The following MYD88 variants were observed in gnomAD, a reference collection of about 807,000 sequenced individuals.
MYD88 encodes the protein myeloid differentiation primary response protein MyD88.
Under a neutral mutation model 31.1 loss-of-function variants are expected in MYD88, and 15 were observed. The observed-to-expected ratio is 0.48, with a 90% CI of 0.32 to 0.74. MYD88 has a LOEUF of 0.74. Ranked by LOEUF, MYD88 falls within the 30% of genes least tolerant of loss-of-function variation. The probability of loss-of-function intolerance (pLI) is 0.03; values close to 1 mark genes in which losing one functional copy is unlikely to be tolerated. For synonymous variants in MYD88, 157 were observed against 158.8 expected (o/e 0.99, Z 0.08); for missense variants, 308 against 387.4 (o/e 0.79, Z 1.72).
In MYD88 at chr3:38,139,926, G is replaced by A. The variant is rs2125777520; in HGVS notation, c.391G>A (p.Val131Met). The A allele has an allele frequency of 1.2e-6, 2 of 1,613,682 alleles. No homozygotes were observed. Among genetic ancestry groups the A allele is most frequent in the Non-Finnish European group, 1.7e-6 (2 of 1,180,010 alleles). Residue 131 changes from valine to methionine, a missense_variant, in exon 2 of 5, where the codon GTG becomes ATG. Physicochemically the swap from Val to Met is conservative, Grantham distance 21 (BLOSUM62 1). Transcript: ENST00000650905. The surrounding 1 kb of genome is among the most constrained non-coding windows in gnomAD (Gnocchi z 4.7). ...GGAGGAGGCTGAGAAGCCTTTACAG[G>A]TGGCCGCTGTAGACAGCAGTGTCCC... ...QQEEAEKPLQVAAVDSSVPRT... is the reference protein window; with the variant it reads ...QQEEAEKPLQMAAVDSSVPRT...
Position 38,140,381 on chromosome 3 carries a change from C to T in MYD88, c.464-7C>T. 2 of 1,614,088 alleles carry T rather than the reference C, an allele frequency of 1.2e-6. No homozygotes were observed. Among genetic ancestry groups the T allele is most frequent in the Non-Finnish European group, 8.5e-7 (1 of 1,179,992 alleles). Reference sequence around the variant, plus strand: ...CTCTGACCACCACCCTTGTGCTCTGCACCCAGGGCATATGCCTGAGCGTTT... The same window carrying T: ...CTCTGACCACCACCCTTGTGCTCTGTACCCAGGGCATATGCCTGAGCGTTT... On this transcript the variant is annotated splice_region_variant and splice_polypyrimidine_tract_variant and intron_variant, in intron 2 of 4. Transcript: ENST00000650905.
In MYD88 at chr3:38,142,001, A is replaced by C. The variant is rs147457772; in HGVS notation, c.*715A>C. Reference sequence around the variant, plus strand: ...AAGTCCCCAAGAGACTCGCCTGAGCAGCTTGGGCTGCTTTTCATTTCCACC... The same window carrying C: ...AAGTCCCCAAGAGACTCGCCTGAGCCGCTTGGGCTGCTTTTCATTTCCACC... On this transcript the variant is annotated 3_prime_UTR_variant, in exon 5 of 5. Coordinates refer to ENST00000650905, the MANE Select transcript of MYD88 (RefSeq NM_002468.5). The C allele has an allele frequency of 1.3e-5, 3 of 236,690 alleles. No homozygotes were observed. 14.7% of individuals were successfully genotyped at this position (236,690 alleles called of 1,614,324 possible).
chr3:38,139,194 T>G lies in MYD88; in HGVS notation c.328+166T>G. On this transcript the variant is annotated intron_variant, in intron 1 of 4. Transcript: ENST00000650905. This position sits in a 1 kb window ranked among gnomAD's most constrained non-coding sequence, Gnocchi z 4.7. ...GGTCCCGTTCCTTCTTAATAACCGGTCGCGGTTATTAAGAAGGACTGGAGA... is the reference window on the plus strand; with the variant it reads ...GGTCCCGTTCCTTCTTAATAACCGGGCGCGGTTATTAAGAAGGACTGGAGA... 14 of 933,486 alleles carry G rather than the reference T, an allele frequency of 1.5e-5. No homozygotes were observed. The highest frequency in any genetic ancestry group is 2.0e-5 in the Non-Finnish European group (13 of 643,736). 57.8% of individuals were successfully genotyped at this position (933,486 alleles called of 1,614,324 possible). A position where few individuals can be genotyped will look rare whatever the true frequency, so the allele number is the denominator to read the frequency against.
Position 38,142,799 on chromosome 3 carries a change from C to G in MYD88, c.*1513C>G, listed in dbSNP as rs193039432. The G allele has an allele frequency of 4.7e-5, 11 of 233,262 alleles. No homozygotes were observed. The highest frequency in any genetic ancestry group is 3.4e-4 in the Admixed American group (6 of 17,784). The allele number at this position is 233,262 out of a possible 1,614,324, so 14.4% of individuals were successfully genotyped here. A position where few individuals can be genotyped will look rare whatever the true frequency, so the allele number is the denominator to read the frequency against. ...AGGATCTTGGGAGGGAATGGATGCC[C>G]CTCTCTGCATGATCTTGTTGAGGCA... On this transcript the variant is annotated 3_prime_UTR_variant, in exon 5 of 5. Transcript: ENST00000650905.
In MYD88 at chr3:38,140,802, C is replaced by T. The variant is rs1215489953; in HGVS notation, c.690C>T (p.Ser230=). The change falls in exon 4 of 5, where the codon AGC becomes AGT. Residue 230 remains serine, a synonymous_variant. Transcript: ENST00000650905. The stretch of plus-strand genomic sequence containing the variant: ...TTGTCTCTGATGATTACCTGCAGAG[C>T]AAGGAATGTGACTTCCAGACCAAAT... ...VVVVSDDYLQ[S]KECDFQTKFA... is the part of the protein sequence containing the mutation. 6.2e-7 allele frequency: 1 copy of T among 1,614,192 alleles called. No individual in the cohort carries two copies. Among genetic ancestry groups the T allele is most frequent in the Non-Finnish European group, 8.5e-7 (1 of 1,180,044 alleles).
chr3:38,140,177 T>C, intron 2 of MYD88, 179 bp downstream of exon 2: 1 of 960,002 alleles, frequency 1.0e-6, no homozygotes, highest in Non-Finnish European at 1.6e-6. Flanking sequence ...TGCTGTGAGA[T>C]GCTCATGAAA....
chr3:38,141,680 G>A lies in MYD88; in HGVS notation c.*394G>A, dbSNP rs950986330. 4 of 420,482 alleles carry A rather than the reference G, an allele frequency of 9.5e-6. No individual in the cohort carries two copies. Among genetic ancestry groups the A allele is most frequent in the Admixed American group, 7.3e-5 (2 of 27,212 alleles). The allele number at this position is 420,482 out of a possible 1,614,324, so 26.0% of individuals were successfully genotyped here. A position where few individuals can be genotyped will look rare whatever the true frequency, so the allele number is the denominator to read the frequency against. On this transcript the variant is annotated 3_prime_UTR_variant, in exon 5 of 5. Transcript: ENST00000650905. ...GTAGGAAATGGTGAAGCATAGCTCT[G>A]GGTCTCCTGGGGGAGACCAGGCTTG...
Position 38,140,459 on chromosome 3 carries a change from A to G in MYD88, c.535A>G (p.Ile179Val), listed in dbSNP as rs751552782. Residue 179 changes from isoleucine (I) to valine (V), a missense_variant, in exon 3 of 5, where the codon ATC (isoleucine) becomes GTC (valine). Coordinates refer to ENST00000650905, the MANE Select transcript of MYD88 (RefSeq NM_002468.5). ...PSDIQFVQEM[I>V]RQLEQTNYRL... ...CGACATCCAGTTTGTGCAGGAGATG[A>G]TCCGGCAACTGGAACAGACAAACTA... is the stretch of plus-strand genomic sequence containing the variant. 18 of 1,614,104 alleles carry G rather than the reference A, an allele frequency of 1.1e-5. 1 individual carries two copies. The Admixed American group carries it at 2.2e-4, about 19-fold the overall frequency.
In MYD88 at chr3:38,141,688, TG is replaced by T. The variant is rs1277570219; in HGVS notation, c.*407del. On this transcript the variant is annotated 3_prime_UTR_variant, in exon 5 of 5. Coordinates refer to ENST00000650905, the MANE Select transcript of MYD88 (RefSeq NM_002468.5). ...TGGTGAAGCATAGCTCTGGGTCTCC[TG>T]GGGGAGACCAGGCTTGGCTGCGGGA... 5 of 412,538 alleles carry T rather than the reference TG, an allele frequency of 1.2e-5. No homozygotes were observed. Among genetic ancestry groups the T allele is most frequent in the Non-Finnish European group, 2.3e-5 (5 of 219,148 alleles). The allele number at this position is 412,538 out of a possible 1,614,324, so 25.6% of individuals were successfully genotyped here. A position where few individuals can be genotyped will look rare whatever the true frequency, so the allele number is the denominator to read the frequency against.
Position 38,141,331 on chromosome 3 carries a change from C to A in MYD88, c.*45C>A, listed in dbSNP as rs1233800393. On this transcript the variant is annotated 3_prime_UTR_variant, in exon 5 of 5. Transcript: ENST00000650905. ...GGTGTGTGTGTATCTGTCTGCCTGT[C>A]CATGTACTTCTGCCCTGCCTCCTCC... The A allele has an allele frequency of 4.3e-6, 7 of 1,611,066 alleles. No homozygotes were observed. The highest frequency in any genetic ancestry group is 5.9e-6 in the Non-Finnish European group (7 of 1,177,322).
intron 4 of MYD88, 51 bp from the exon 5 acceptor site, chr3:38,141,081 C>G (rs1701068470): frequency 6.2e-7 from 1 of 1,613,706 alleles, no homozygotes; most frequent in Non-Finnish European, 8.5e-7. Context: ...CTGGGCTTGT[C>G]CCACCATGGG....
intron 2 of MYD88, 78 bp from the exon 3 acceptor site, chr3:38,140,310 A>C (rs1701044796): frequency 6.6e-7 from 1 of 1,513,492 alleles, no homozygotes; most frequent in South Asian, 1.1e-5. Context: ...AGGGTTGCCT[A>C]GGCAGGGGAC....
rs2125777592 is a variant in MYD88 at position 38,139,942 on chromosome 3, G to T, written c.407G>T (p.Ser136Ile). 6.2e-7 allele frequency: 1 copy of T among 1,613,706 alleles called. No individual in the cohort carries two copies. Residue 136 changes from serine to isoleucine, a missense_variant, in exon 2 of 5, where the codon AGC becomes ATC. By Grantham distance (142) the Ser-to-Ile change is moderately radical. Transcript: ENST00000650905. The surrounding 1 kb of genome is among the most constrained non-coding windows in gnomAD (Gnocchi z 4.7). ...EKPLQVAAVD[S>I]SVPRTAELAG... ...CCTTTACAGGTGGCCGCTGTAGACA[G>T]CAGTGTCCCACGGACAGCAGAGCTG...
chr3:38,140,194 C>G, intron 2 of MYD88, 194 bp from the exon 3 acceptor site: 2 of 949,694 alleles, frequency 2.1e-6, no homozygotes, highest in South Asian at 1.4e-5. Flanking sequence ...GAAATAATGT[C>G]TGTCTCGTGG....
chr3:38,140,865 T>C lies in MYD88; in HGVS notation c.736+17T>C, dbSNP rs1483373480. ...TCTCTCCAGGTAAGCTCAACCCTGCTCTGGCAAGAGAATGAGGGAATGTGT... is the reference window on the plus strand; with the variant it reads ...TCTCTCCAGGTAAGCTCAACCCTGCCCTGGCAAGAGAATGAGGGAATGTGT... On this transcript the variant is annotated intron_variant, in intron 4 of 4. Coordinates refer to ENST00000650905, the MANE Select transcript of MYD88 (RefSeq NM_002468.5). The C allele has an allele frequency of 3.1e-6, 5 of 1,609,512 alleles. No individual in the cohort carries two copies. Among genetic ancestry groups the C allele is most frequent in the Non-Finnish European group, 3.4e-6 (4 of 1,175,854 alleles).
chr3:38,140,344 CT>C, intron 2 of MYD88, 43 bp from the exon 3 acceptor site: 1 of 1,608,296 alleles, frequency 6.2e-7, no homozygotes, highest in Non-Finnish European at 8.5e-7. Context: ...CCTCCCAAGC[CT>C]TCCCATGGAG....
Position 38,139,175 on chromosome 3 carries a change from G to C in MYD88, c.328+147G>C. ...GCAGAGGGAGAACCATGCGGGTCCC[G>C]TTCCTTCTTAATAACCGGTCGCGGT... On this transcript the variant is annotated intron_variant, in intron 1 of 4. Coordinates refer to ENST00000650905, the MANE Select transcript of MYD88 (RefSeq NM_002468.5). This position sits in a 1 kb window ranked among gnomAD's most constrained non-coding sequence, Gnocchi z 4.7. 1 of 1,129,500 alleles carries C rather than the reference G, an allele frequency of 8.9e-7. No homozygotes were observed. The highest frequency in any genetic ancestry group is 1.2e-6 in the Non-Finnish European group (1 of 821,258). The allele number at this position is 1,129,500 out of a possible 1,614,324, so 70.0% of individuals were successfully genotyped here. A position where few individuals can be genotyped will look rare whatever the true frequency, so the allele number is the denominator to read the frequency against.
rs1290540266 is a variant in MYD88 at position 38,139,041 on chromosome 3, C to G, written c.328+13C>G. 1.3e-6 allele frequency: 2 copies of G among 1,597,976 alleles called. No individual in the cohort carries two copies. The highest frequency in any genetic ancestry group is 3.3e-5 in the Admixed American group (2 of 59,862). On this transcript the variant is annotated intron_variant, in intron 1 of 4. Transcript: ENST00000650905. This position sits in a 1 kb window ranked among gnomAD's most constrained non-coding sequence, Gnocchi z 4.7. ...GGACCCAGCATTGGTGAGGACGTCCCCTTCCTGGCCTCGTACCTGGGGGGT... is the reference window on the plus strand; with the variant it reads ...GGACCCAGCATTGGTGAGGACGTCCGCTTCCTGGCCTCGTACCTGGGGGGT...
Position 38,140,772 on chromosome 3 carries a change from G to T in MYD88, c.660G>T (p.Val220=), listed in dbSNP as rs1335109032. ...ELIEKRCRRM[V]VVVSDDYLQS... ...TCTCCCCTAGGTGCCGCCGGATGGT[G>T]GTGGTTGTCTCTGATGATTACCTGC... Residue 220 remains valine (V), a synonymous_variant, in exon 4 of 5, where the codon GTG becomes GTT. Transcript: ENST00000650905. The T allele has an allele frequency of 4.3e-6, 7 of 1,614,080 alleles. No homozygotes were observed. The highest frequency in any genetic ancestry group is 8.5e-7 in the Non-Finnish European group (1 of 1,180,032).
Sources: allele counts gnomAD v4.1 joint callset, GRCh38; gene constraint gnomAD v4.1.1; non-coding constraint Gnocchi (gnomAD v3.1); transcripts MANE v1.5; gene names NCBI Gene and HGNC (gene_info 2026-07-23, HGNC 2026-07-21).